Variants in ZNF804A observed in about 807,000 individuals in gnomAD.
ZNF804A encodes the protein zinc finger protein 804A.
In ZNF804A, 2 loss-of-function variants were observed where a neutral mutation model predicts 16.5. The observed-to-expected ratio is 0.12, with a 90% CI of 0.05 to 0.38. The LOEUF (loss-of-function observed/expected upper bound fraction) is 0.38, where lower values mean the gene tolerates loss of function less well. Ranked by LOEUF, ZNF804A falls within the 10% of genes least tolerant of loss-of-function variation. The probability of loss-of-function intolerance (pLI) is 0.99; values close to 1 mark genes in which losing one functional copy is unlikely to be tolerated. For missense variants in ZNF804A, 1,473 were observed against 1,390.7 expected (o/e 1.06, Z -0.94); for synonymous variants, 534 against 489.6 (o/e 1.09, Z -1.20).
intron 1 of ZNF804A, among the ~76,000 whole-genome samples, chr2:184,631,162 CTT>C (rs940438981): frequency 9.2e-5 from 14 of 152,042 alleles, no homozygotes; most frequent in Admixed American, 3.3e-4. Flanking sequence ...AGCTTGCAAA[CTT>C]TGTACATTTC....
rs932316338 is a variant in ZNF804A at position 184,900,698 on chromosome 2, G to T, written c.256-32905G>T. Among the ~76,000 whole-genome samples, 6 of 152,160 alleles carry T rather than the reference G, an allele frequency of 3.9e-5. No individual in the cohort carries two copies. The East Asian group carries it at 1.2e-3, about 29-fold the overall frequency. On this transcript the variant is annotated intron_variant, in intron 2 of 3. Transcript: ENST00000302277. ...TAGGGCAGTTAGCCAGAGAAGACTGGGAATGCTTTGGGGACTGTGATACAG... is the reference window on the plus strand; with the variant it reads ...TAGGGCAGTTAGCCAGAGAAGACTGTGAATGCTTTGGGGACTGTGATACAG...
chr2:184,710,632 CTGAAACTTTATACCCTT>C (rs1245581618), intron 1 of ZNF804A, among the ~76,000 whole-genome samples: 2 of 151,716 alleles, frequency 1.3e-5, no homozygotes, highest in Non-Finnish European at 3.0e-5. Flanking sequence ...TCTTGTAAAA[CTGAAACTTTATACCCTT>C]TGAAAAAGAA....
At chr2:184,830,161 GACA>G (rs1366547333) in intron 1 of ZNF804A, among the ~76,000 whole-genome samples, 1 of 151,114 alleles carries the variant, frequency 6.6e-6, no homozygotes, top group South Asian at 2.1e-4. Context: ...TAATCTATTT[GACA>G]ACAATTTTAT....
intron 1 of ZNF804A, among the ~76,000 whole-genome samples, chr2:184,746,045 C>T (rs888358565): frequency 7.3e-5 from 11 of 151,460 alleles, no homozygotes; most frequent in Admixed American, 6.0e-4. Flanking sequence ...AATCAAAAAG[C>T]ACGCATTTTT....
At chr2:184,754,117 C>T (rs1269244167) in intron 1 of ZNF804A, among the ~76,000 whole-genome samples, 1 of 151,678 alleles carries the variant, frequency 6.6e-6, no homozygotes, top group Non-Finnish European at 1.5e-5. Context: ...TAAGTTTGAT[C>T]AGTTAAGAAT....
chr2:184,825,523 T>C (rs1288742239), intron 1 of ZNF804A, among the ~76,000 whole-genome samples: 1 of 152,116 alleles, frequency 6.6e-6, no homozygotes, highest in Admixed American at 6.6e-5. Flanking sequence ...TATATGTATA[T>C]GTAAATGACA....
chr2:184,842,898 A>C (rs1203648048), intron 1 of ZNF804A, among the ~76,000 whole-genome samples: 1 of 152,168 alleles, frequency 6.6e-6, no homozygotes, highest in Non-Finnish European at 1.5e-5. Context: ...TCAGACAGTG[A>C]GCACCATAAT....
intron 1 of ZNF804A, among the ~76,000 whole-genome samples, chr2:184,759,216 G>GA (rs199923469): frequency 8.1e-5 from 12 of 148,720 alleles, no homozygotes; most frequent in Admixed American, 5.4e-4. Flanking sequence ...ATTCATTATT[G>GA]AAAAAAAAAT....
At chr2:184,692,814 A>G (rs937463661) in intron 1 of ZNF804A, among the ~76,000 whole-genome samples, 1 of 152,218 alleles carries the variant, frequency 6.6e-6, no homozygotes, top group Non-Finnish European at 1.5e-5. Context: ...TTTAGCCAGT[A>G]TAAGTAGCAA....
intron 1 of ZNF804A, among the ~76,000 whole-genome samples, chr2:184,676,285 T>A (rs1386208165): frequency 7.3e-6 from 1 of 137,622 alleles, no homozygotes; most frequent in East Asian, 2.0e-4. Context: ...GATATAGATA[T>A]CTTGCTTCAC....
intron 2 of ZNF804A, among the ~76,000 whole-genome samples, chr2:184,874,231 G>T (rs1696018242): frequency 3.3e-5 from 5 of 152,038 alleles, no homozygotes; most frequent in Admixed American, 3.3e-4. Flanking sequence ...CAGGATAGTG[G>T]TTACTTCAAG....
intron 1 of ZNF804A, among the ~76,000 whole-genome samples, chr2:184,710,824 A>G (rs565339921): frequency 6.6e-6 from 1 of 151,918 alleles, no homozygotes; most frequent in East Asian, 1.9e-4. Context: ...AACATGTTGC[A>G]TATGGTACGA....
At chr2:184,740,059 T>C (rs1693690609) in intron 1 of ZNF804A, among the ~76,000 whole-genome samples, 1 of 152,224 alleles carries the variant, frequency 6.6e-6, no homozygotes. Context: ...ATTTTGTTCA[T>C]GACTTGGTAA....
chr2:184,738,859 T>A (rs907096331), intron 1 of ZNF804A, among the ~76,000 whole-genome samples: 1 of 152,244 alleles, frequency 6.6e-6, no homozygotes, highest in Non-Finnish European at 1.5e-5. Context: ...TTTATGTATG[T>A]TTTGCAGATA....
intron 1 of ZNF804A, among the ~76,000 whole-genome samples, chr2:184,749,024 C>A (rs1693837720): frequency 6.6e-6 from 1 of 151,492 alleles, no homozygotes; most frequent in South Asian, 2.1e-4. Context: ...TAGTGTGATG[C>A]TTCTGGCTTT....
intron 2 of ZNF804A, among the ~76,000 whole-genome samples, chr2:184,889,884 C>T (rs77952435): frequency 0.041 from 6,176 of 152,088 alleles, 405 homozygotes; most frequent in African/African-American, 0.14. Flanking sequence ...TTACTAAGTA[C>T]GAAACTTAAA....
chr2:184,861,022 T>C (rs1295071348), intron 1 of ZNF804A, among the ~76,000 whole-genome samples: 1 of 152,154 alleles, frequency 6.6e-6, no homozygotes, highest in Admixed American at 6.5e-5. Flanking sequence ...AGATCAAGTC[T>C]GTTGCTCAGG....
chr2:184,914,939 T>A (rs1229558239), intron 2 of ZNF804A, among the ~76,000 whole-genome samples: 2 of 151,704 alleles, frequency 1.3e-5, no homozygotes, highest in East Asian at 3.9e-4. Context: ...TTGTGAATGT[T>A]CAATGAATTG....
chr2:184,879,347 G>A (rs1684770003), intron 2 of ZNF804A, among the ~76,000 whole-genome samples: 2 of 151,948 alleles, frequency 1.3e-5, no homozygotes, highest in African/African-American at 2.4e-5. Flanking sequence ...CACACTGTAG[G>A]AAAGGAGAAC....
Sources: gnomAD v4.1 joint callset for allele counts (sites outside exome capture counted in the v4.1 genomes callset) on GRCh38, gnomAD v4.1.1 for gene constraint, MANE v1.5 for transcripts, NCBI Gene and HGNC (gene_info 2026-07-23, HGNC 2026-07-21) for gene names.